The following NME7 variants were observed in gnomAD, a reference collection of about 807,000 sequenced individuals.
The protein encoded by NME7 is NME/NM23 family member 7, also known as nucleoside diphosphate kinase 7.
Under a neutral mutation model 49.1 loss-of-function variants are expected in NME7, and 41 were observed. The observed-to-expected ratio is 0.83, with a 90% confidence interval of 0.65 to 1.08. The LOEUF (loss-of-function observed/expected upper bound fraction) is 1.08. NME7 is among the 50% of genes least tolerant of loss of function. The probability of loss-of-function intolerance (pLI) is 0.00; values close to 1 mark genes in which losing one functional copy is unlikely to be tolerated. For missense variants in NME7, 423 were observed against 463.4 expected, an observed-to-expected ratio of 0.91 and a Z score of 0.80; for synonymous variants, 139 against 150.6, an observed-to-expected ratio of 0.92 and a Z score of 0.56.
chr1:169,269,796 C>T (rs1649434417), intron 7 of NME7, among the ~76,000 whole-genome samples: 1 of 134,382 alleles, frequency 7.4e-6, no homozygotes, highest in South Asian at 2.3e-4. Context: ...TAATTTGCTT[C>T]CTAGTAAATT....
intron 1 of NME7, among the ~76,000 whole-genome samples, chr1:169,355,203 TAA>T (rs1244030600): frequency 1.9e-5 from 1 of 53,938 alleles, no homozygotes; most frequent in African/African-American, 7.6e-5. Context: ...ATATAATATA[TAA>T]TATATATTAT....
At chr1:169,203,938 C>G (rs1274642196) in intron 10 of NME7, among the ~76,000 whole-genome samples, 1 of 152,002 alleles carries the variant, frequency 6.6e-6, no homozygotes, top group African/African-American at 2.4e-5. Context: ...CTCAGTGCAG[C>G]CTTGACCTCC....
At chr1:169,245,779 T>C (rs923817663) in intron 7 of NME7, among the ~76,000 whole-genome samples, 1 of 152,092 alleles carries the variant, frequency 6.6e-6, no homozygotes, top group Non-Finnish European at 1.5e-5. Flanking sequence ...AAACTAGAGA[T>C]TATGAGAGTT....
chr1:169,266,141 T>C (rs1649313740), intron 7 of NME7, among the ~76,000 whole-genome samples: 1 of 132,084 alleles, frequency 7.6e-6, no homozygotes, highest in Non-Finnish European at 1.8e-5. Flanking sequence ...GATACCAAAA[T>C]ATGACAGAGA....
rs552519736 is a variant in NME7, at chr1:169,276,536, C to T, written c.754+10767G>A. On this transcript the variant is annotated intron_variant, in intron 7 of 11. Transcript: ENST00000367811. Reference sequence around the variant, plus strand: ...TTTCTGTGGGATCGGTGGTGATATCCCCTTTATCAGTTTTTATTGCGTCTA... The same window carrying T: ...TTTCTGTGGGATCGGTGGTGATATCTCCTTTATCAGTTTTTATTGCGTCTA... Among the ~76,000 whole-genome samples the T allele has an allele frequency of 2.4e-3, 319 of 132,218 alleles. 32 individuals carry two copies. The highest frequency in any genetic ancestry group is 7.8e-3 in the African/African-American group (308 of 39,284). 86.7% of individuals were successfully genotyped at this position (132,218 alleles called of 152,430 possible).
chr1:169,156,762 G>A (rs912239258), intron 11 of NME7, among the ~76,000 whole-genome samples: 2 of 152,222 alleles, frequency 1.3e-5, no homozygotes, highest in Middle Eastern at 3.4e-3. Context: ...CCACTATGAC[G>A]GGATATAGGA....
intron 11 of NME7, among the ~76,000 whole-genome samples, chr1:169,142,508 A>T (rs1658624754): frequency 6.6e-6 from 1 of 152,226 alleles, no homozygotes; most frequent in Non-Finnish European, 1.5e-5. Context: ...TAGAGGAAAG[A>T]AAAAGAAGCA....
At chr1:169,342,577 T>C (rs1296242647) in intron 1 of NME7, among the ~76,000 whole-genome samples, 3 of 58,934 alleles carry the variant, frequency 5.1e-5, no homozygotes, top group African/African-American at 1.3e-4. Context: ...ATATATATAG[T>C]ATATATATAT....
At chr1:169,237,708 G>A (rs1647918601) in intron 7 of NME7, 21 bp from the exon 8 acceptor site, 1 of 1,582,226 alleles carries the variant, frequency 6.3e-7, no homozygotes, top group East Asian at 2.3e-5. Flanking sequence ...AGGACAATGA[G>A]TGAAAAAATA....
At chr1:169,180,555 T>C (rs1422135288) in intron 10 of NME7, among the ~76,000 whole-genome samples, 4 of 152,234 alleles carry the variant, frequency 2.6e-5, no homozygotes, top group Non-Finnish European at 5.9e-5. Flanking sequence ...CCTTTAAAGT[T>C]GCAGTAAGCA....
chr1:169,340,075 T>C (rs1161820302), intron 1 of NME7, among the ~76,000 whole-genome samples: 2 of 152,198 alleles, frequency 1.3e-5, no homozygotes, highest in South Asian at 2.1e-4. Context: ...CCTTTGTAAC[T>C]AGTCCCTTCA....
intron 10 of NME7, among the ~76,000 whole-genome samples, chr1:169,201,878 CA>C (rs1300529839): frequency 2.0e-5 from 3 of 151,992 alleles, no homozygotes; most frequent in African/African-American, 7.2e-5. Flanking sequence ...ATAGAATTAT[CA>C]AAGGAAGACA....
chr1:169,302,934 T>C (rs1331941836), intron 5 of NME7, among the ~76,000 whole-genome samples: 2 of 152,168 alleles, frequency 1.3e-5, no homozygotes, highest in Non-Finnish European at 2.9e-5. Flanking sequence ...TTGCAACTGA[T>C]TAAACTTTAA....
chr1:169,199,157 T>C (rs566805229), intron 10 of NME7, among the ~76,000 whole-genome samples: 3 of 152,142 alleles, frequency 2.0e-5, no homozygotes, highest in East Asian at 3.9e-4. Flanking sequence ...TATCATACTG[T>C]TTAAGAGTGC....
chr1:169,339,761 T>G (rs1245126074), intron 1 of NME7, among the ~76,000 whole-genome samples: 1 of 152,214 alleles, frequency 6.6e-6, no homozygotes, highest in Non-Finnish European at 1.5e-5. Flanking sequence ...CTCCATGAAC[T>G]TCATCAAAGG....
chr1:169,241,854 A>C (rs1326361698), intron 7 of NME7, among the ~76,000 whole-genome samples: 2 of 151,852 alleles, frequency 1.3e-5, no homozygotes, highest in Non-Finnish European at 2.9e-5. Flanking sequence ...TATTATCCTG[A>C]TATTGAAATC....
chr1:169,308,291 G>A (rs898861780), intron 4 of NME7, among the ~76,000 whole-genome samples: 22 of 152,196 alleles, frequency 1.4e-4, no homozygotes, highest in Non-Finnish European at 2.5e-4. Context: ...TGACTTGAAT[G>A]TCTACTGCTC....
rs1252589780 is a variant in NME7, at chr1:169,257,307, G to C, written c.755-19620C>G. ...GCCTGTCAGAAAAGCGCAGTATTTG[G>C]TTGGGAGTGACCCGATTTTCCAGGT... On this transcript the variant is annotated intron_variant, in intron 7 of 11. Coordinates refer to ENST00000367811, the MANE Select transcript of NME7 (RefSeq NM_013330.5). Among the ~76,000 whole-genome samples the C allele has an allele frequency of 5.2e-5, 7 of 134,748 alleles. 2 individuals carry two copies. In the East Asian group the frequency reaches 1.4e-3, roughly 27 times the overall value. The allele number at this position is 134,748 out of a possible 152,430, so 88.4% of individuals were successfully genotyped here.
chr1:169,300,538 A>C (rs575829634), intron 5 of NME7, among the ~76,000 whole-genome samples: 1 of 152,298 alleles, frequency 6.6e-6, no homozygotes, highest in Admixed American at 6.5e-5. Flanking sequence ...CTTAAATTTA[A>C]TTACATGTCA....
Sources: gnomAD v4.1 joint callset for allele counts (sites outside exome capture counted in the v4.1 genomes callset) on GRCh38, gnomAD v4.1.1 for gene constraint, MANE v1.5 for transcripts, NCBI Gene and HGNC (gene_info 2026-07-23, HGNC 2026-07-21) for gene names.